Variants in NKAIN3 observed in about 807,000 individuals in gnomAD.
The protein encoded by NKAIN3 is sodium/potassium transporting ATPase interacting 3, also known as sodium/potassium-transporting ATPase subunit beta-1-interacting protein 3.
NKAIN3 carries 25 observed loss-of-function variants against 30.2 expected under a neutral mutation model. The ratio of observed to expected loss-of-function variants is 0.83; its 90% CI spans 0.60 to 1.16. The LOEUF is 1.16. Among genes scored for constraint, NKAIN3 ranks in the 50% most tolerant of loss-of-function variants. The pLI is 0.00. For synonymous variants in NKAIN3, 91 were observed against 89.6 expected, an observed-to-expected ratio of 1.02 and a Z score of -0.09; for missense variants, 225 against 254.1, an observed-to-expected ratio of 0.89 and a Z score of 0.78.
At chr8:62,265,883 C>T (rs1812585056) in intron 1 of NKAIN3, among the ~76,000 whole-genome samples, 1 of 152,108 alleles carries the variant, frequency 6.6e-6, no homozygotes, top group Non-Finnish European at 1.5e-5. Context: ...AGTTAGTGGC[C>T]TCAATATGGT....
chr8:62,506,237 G>GGT (rs1345705507), intron 1 of NKAIN3, among the ~76,000 whole-genome samples: 2 of 143,256 alleles, frequency 1.4e-5, no homozygotes, highest in African/African-American at 5.1e-5. Flanking sequence ...TTGGGGGGGG[G>GGT]GACATTATTT....
intron 1 of NKAIN3, among the ~76,000 whole-genome samples, chr8:62,362,414 G>A (rs1816594791): frequency 6.6e-6 from 1 of 152,158 alleles, no homozygotes; most frequent in Non-Finnish European, 1.5e-5. Flanking sequence ...TAAAACCAGG[G>A]AAAATGAATA....
intron 4 of NKAIN3, among the ~76,000 whole-genome samples, chr8:62,786,882 T>C (rs1287231883): frequency 1.3e-5 from 2 of 152,166 alleles, no homozygotes; most frequent in African/African-American, 2.4e-5. Context: ...TCAGTGCTTG[T>C]TCCTGGAGGA....
At chr8:62,504,358 G>C (rs1036029796) in intron 1 of NKAIN3, among the ~76,000 whole-genome samples, 1 of 152,154 alleles carries the variant, frequency 6.6e-6, no homozygotes, top group Non-Finnish European at 1.5e-5. Context: ...GCAAATTGCT[G>C]TCCCTTAATG....
chr8:62,283,667 A>G (rs563178635), intron 1 of NKAIN3, among the ~76,000 whole-genome samples: 1 of 152,262 alleles, frequency 6.6e-6, no homozygotes, highest in South Asian at 2.1e-4. Flanking sequence ...GTGTTTCAGG[A>G]GATTCCCTTA....
intron 1 of NKAIN3, among the ~76,000 whole-genome samples, chr8:62,408,049 A>C (rs949233173): frequency 6.6e-6 from 1 of 152,140 alleles, no homozygotes; most frequent in Non-Finnish European, 1.5e-5. Context: ...TATGTTACAG[A>C]GTGAGACCCC....
At chr8:62,440,855 G>A (rs1368397423) in intron 1 of NKAIN3, among the ~76,000 whole-genome samples, 2 of 152,258 alleles carry the variant, frequency 1.3e-5, no homozygotes, top group East Asian at 3.9e-4. Flanking sequence ...TTTATTCAGT[G>A]CAGGGTGATG....
At chr8:62,877,350 G>A (rs1267761322) in intron 4 of NKAIN3, among the ~76,000 whole-genome samples, 14 of 152,230 alleles carry the variant, frequency 9.2e-5, no homozygotes, top group Middle Eastern at 3.2e-3. Context: ...AGGCGGCCTC[G>A]GAATGGAGGC....
At position 62,866,596 on chromosome 8, in the gene NKAIN3, T is replaced by A. The variant is rs190267291; in HGVS notation, c.472-51857T>A. ...CTGTTTTAGAAGTCAGTGGATTCAATGTCTTTTTACTTTAAATTTTACATT... is the reference window on the plus strand; with the variant it reads ...CTGTTTTAGAAGTCAGTGGATTCAAAGTCTTTTTACTTTAAATTTTACATT... On this transcript the variant is annotated intron_variant, in intron 4 of 6. Transcript: ENST00000623646. Among the ~76,000 whole-genome samples, 21 of 152,326 alleles carry A rather than the reference T, an allele frequency of 1.4e-4. No homozygotes were observed. The East Asian group carries it at 3.9e-3, about 28-fold the overall frequency.
chr8:62,946,202 C>T (rs866958367), intron 5 of NKAIN3, among the ~76,000 whole-genome samples: 9 of 152,146 alleles, frequency 5.9e-5, no homozygotes, highest in South Asian at 2.1e-4. Context: ...GACATCTCTT[C>T]GGGATCACAA....
chr8:62,309,989 C>T (rs115793923), intron 1 of NKAIN3, among the ~76,000 whole-genome samples: 4,879 of 150,320 alleles, frequency 0.032, 636 homozygotes, highest in African/African-American at 0.11. Flanking sequence ...CCCTGATACA[C>T]ATAGAAAAAT....
chr8:62,995,058 A>C (rs1029527369), intron 5 of NKAIN3, among the ~76,000 whole-genome samples: 3 of 152,204 alleles, frequency 2.0e-5, no homozygotes, highest in Non-Finnish European at 4.4e-5. Context: ...CATGATTGAA[A>C]AATTTGAAAA....
intron 4 of NKAIN3, among the ~76,000 whole-genome samples, chr8:62,908,260 T>C (rs1806151130): frequency 6.6e-6 from 1 of 152,180 alleles, no homozygotes; most frequent in Non-Finnish European, 1.5e-5. Flanking sequence ...TGTACCCCCA[T>C]TGTATCTTGG....
At chr8:62,660,444 CTT>C (rs57996773) in intron 3 of NKAIN3, among the ~76,000 whole-genome samples, 1 of 148,748 alleles carries the variant, frequency 6.7e-6, no homozygotes, top group African/African-American at 2.5e-5. Flanking sequence ...ACTAGGCTTG[CTT>C]TTTTTTTTCC....
chr8:62,865,465 T>C lies in NKAIN3; in HGVS notation c.472-52988T>C, dbSNP rs139586992. 3.1e-3 allele frequency among the ~76,000 whole-genome samples: 472 copies of C among 152,274 alleles called. 2 individuals are homozygous for C. The highest frequency in any genetic ancestry group is 5.4e-3 in the Non-Finnish European group (367 of 68,008). ...GTACTGTTGTTTGACATTTTGCTTT[T>C]TGTGCACTCTGATCCTGGGGAAGAG... On this transcript the variant is annotated intron_variant, in intron 4 of 6. Transcript: ENST00000623646.
chr8:62,646,150 A>AAAAAAAAAAAAC (rs1458663278), intron 3 of NKAIN3, among the ~76,000 whole-genome samples: 8 of 151,694 alleles, frequency 5.3e-5, no homozygotes, highest in African/African-American at 1.9e-4. Flanking sequence ...AAAAAAAAAA[A>AAAAAAAAAAAAC]AAAAACAGAT....
At chr8:62,527,882 G>GGTGTGTGTGTGT (rs68020312) in intron 1 of NKAIN3, among the ~76,000 whole-genome samples, 1,756 of 143,752 alleles carry the variant, frequency 0.012, 18 homozygotes, top group South Asian at 0.028. Flanking sequence ...ACTTTTTTTT[G>GGTGTGTGTGTGT]GTGTGTGTGT....
At chr8:62,762,418 T>C (rs558075897) in intron 4 of NKAIN3, among the ~76,000 whole-genome samples, 1 of 152,042 alleles carries the variant, frequency 6.6e-6, no homozygotes, top group Non-Finnish European at 1.5e-5. Flanking sequence ...CAAAAATTCA[T>C]ATGGGTAGAA....
intron 1 of NKAIN3, among the ~76,000 whole-genome samples, chr8:62,311,262 C>T (rs1003698704): frequency 6.7e-6 from 1 of 150,296 alleles, no homozygotes; most frequent in Non-Finnish European, 1.5e-5. Flanking sequence ...GAGATAGGCA[C>T]AGCAGAGACG....
Sources: gnomAD v4.1 joint callset for allele counts (sites outside exome capture counted in the v4.1 genomes callset) on GRCh38, gnomAD v4.1.1 for gene constraint, MANE v1.5 for transcripts, NCBI Gene and HGNC (gene_info 2026-07-23, HGNC 2026-07-21) for gene names.